The following DMD variants were observed in gnomAD, a reference collection of about 807,000 sequenced individuals.
DMD encodes the protein dystrophin.
In DMD, 63 loss-of-function variants were observed where a neutral mutation model predicts 330.1. The ratio of observed to expected loss-of-function variants is 0.19; its 90% CI spans 0.16 to 0.24. The LOEUF (loss-of-function observed/expected upper bound fraction) is 0.24, where lower values mean the gene tolerates loss of function less well. Among genes scored for constraint, DMD ranks in the 10% least tolerant of loss-of-function variants. The probability of loss-of-function intolerance (pLI) is 1.00; values close to 1 mark genes in which losing one functional copy is unlikely to be tolerated. For missense variants in DMD, 3,344 were observed against 2,684.1 expected, an observed-to-expected ratio of 1.25 and a Z score of -5.43; for synonymous variants, 1,223 against 959.8, an observed-to-expected ratio of 1.27 and a Z score of -5.07.
intron 1 of DMD, among the ~76,000 whole-genome samples, chrX:33,183,914 T>G (rs1054772974): frequency 4.5e-5 from 5 of 111,615 alleles, no homozygotes; most frequent in African/African-American, 1.6e-4. Context: ...TCATGGCCAT[T>G]GCTACCACTG....
rs1188875772 is a variant in DMD, at chrX:32,640,521, A to C, written c.1331+3611T>G. ...ATAATTGTTGATGGTTTATGGGATA[A>C]ATATTATTTCCTAGATGCAACTTGA... On this transcript the variant is annotated intron_variant, in intron 11 of 78. Coordinates refer to ENST00000357033, the MANE Select transcript of DMD (RefSeq NM_004006.3). Among the ~76,000 whole-genome samples, 3 of 110,690 alleles carry C rather than the reference A, an allele frequency of 2.7e-5. No individual in the cohort carries two copies. The East Asian group carries it at 8.4e-4, about 31-fold the overall frequency.
At chrX:31,206,952 A>G in intron 65 of DMD, among the ~76,000 whole-genome samples, 1 of 43,776 alleles carries the variant, frequency 2.3e-5, no homozygotes, top group African/African-American at 6.4e-5. Flanking sequence ...CAAAAGTTCT[A>G]CATAAATTAA....
rs2051475451 is a variant in DMD at position 31,269,792 on chromosome X, G to A, written c.9225-8776C>T. ...TTGAGGGTATCTTTAGAGAATAAGG[G>A]CATCTCTGACCTAAGGGACTGTGCA... On this transcript the variant is annotated intron_variant, in intron 62 of 78. Coordinates refer to ENST00000357033, the MANE Select transcript of DMD (RefSeq NM_004006.3). Among the ~76,000 whole-genome samples the A allele has an allele frequency of 2.7e-5, 3 of 111,828 alleles. No individual in the cohort carries two copies. In the South Asian group the frequency reaches 1.1e-3, roughly 42 times the overall value.
chrX:32,927,070 T>G (rs1742148507), intron 2 of DMD, among the ~76,000 whole-genome samples: 1 of 111,060 alleles, frequency 9.0e-6, no homozygotes, highest in African/African-American at 3.3e-5. Context: ...ATAAATAAAT[T>G]TATTGACTTT....
At chrX:33,191,715 T>G (rs1163582199) in intron 1 of DMD, among the ~76,000 whole-genome samples, 1 of 112,361 alleles carries the variant, frequency 8.9e-6, no homozygotes, top group Non-Finnish European at 1.9e-5. Context: ...TGAGCCACCA[T>G]GCCTGGCCTG....
intron 23 of DMD, among the ~76,000 whole-genome samples, chrX:32,465,664 C>A (rs1216932615): frequency 1.8e-4 from 18 of 101,494 alleles, no homozygotes; most frequent in African/African-American, 6.5e-4. Flanking sequence ...TGGCTCACTG[C>A]AGCCTCCACC....
intron 44 of DMD, among the ~76,000 whole-genome samples, chrX:32,200,702 C>T (rs1157803362): frequency 9.0e-6 from 1 of 110,939 alleles, no homozygotes; most frequent in Non-Finnish European, 1.9e-5. Context: ...ATAATAAAAC[C>T]ATAATTTTAA....
intron 63 of DMD, among the ~76,000 whole-genome samples, chrX:31,258,423 C>G (rs1053496598): frequency 1.8e-5 from 2 of 112,510 alleles, no homozygotes; most frequent in African/African-American, 6.5e-5. Flanking sequence ...TTGATTGTTA[C>G]AAAACTATTG....
chrX:31,230,492 C>A (rs770371725), intron 63 of DMD, among the ~76,000 whole-genome samples: 1 of 109,965 alleles, frequency 9.1e-6, no homozygotes, highest in South Asian at 4.0e-4. Context: ...ATTAAAAACA[C>A]AAAAAAATTA....
At chrX:31,146,474 T>G (rs1051731177) in intron 75 of DMD, 60 bp from the exon 76 acceptor site, 3 of 1,122,446 alleles carry the variant, frequency 2.7e-6, no homozygotes, top group Non-Finnish European at 1.2e-6. Context: ...ATGTATAAAT[T>G]TCAAAATATG....
At chrX:32,423,333 T>C (rs1428261857) in intron 29 of DMD, among the ~76,000 whole-genome samples, 3 of 108,028 alleles carry the variant, frequency 2.8e-5, no homozygotes, top group African/African-American at 6.7e-5. Context: ...TACCATTAAA[T>C]GGATATGTTA....
intron 67 of DMD, among the ~76,000 whole-genome samples, chrX:31,203,442 A>G (rs2043729752): frequency 9.0e-6 from 1 of 110,671 alleles, no homozygotes; most frequent in Admixed American, 9.6e-5. Context: ...GAGAACGGAC[A>G]AGAGTGTGTT....
Position 31,507,358 on chromosome X carries a change from A to G in DMD, c.8313T>C (p.Asp2771=). 8.3e-7 allele frequency: 1 copy of G among 1,211,662 alleles called. No individual in the cohort carries two copies. The highest frequency in any genetic ancestry group is 1.1e-6 in the Non-Finnish European group (1 of 895,305). Residue 2771 remains aspartate, a synonymous_variant, in exon 56 of 79, where the codon GAT becomes GAC. Coordinates refer to ENST00000357033, the MANE Select transcript of DMD (RefSeq NM_004006.3). ...KILRSLEGSD[D]AVLLQRRLDN... is the part of the protein sequence containing the mutation. The stretch of plus-strand genomic sequence containing the variant: ...CCAAACGTCTTTGTAACAGGACTGC[A>G]TCATCGGAACCTTCCAGGGATCTCA...
chrX:32,510,133 C>A (rs138399334), intron 18 of DMD, among the ~76,000 whole-genome samples: 1 of 112,025 alleles, frequency 8.9e-6, no homozygotes, highest in South Asian at 3.7e-4. Context: ...TCGCTGACAG[C>A]TGAATAAAAG....
chrX:32,244,639 G>T (rs371719146), intron 43 of DMD, among the ~76,000 whole-genome samples: 17 of 88,441 alleles, frequency 1.9e-4, no homozygotes, highest in African/African-American at 5.2e-4. Context: ...CCTGACTTTT[G>T]AATGATTGCC....
intron 55 of DMD, among the ~76,000 whole-genome samples, chrX:31,590,615 C>T (rs1213549308): frequency 9.0e-6 from 1 of 111,251 alleles, no homozygotes; most frequent in East Asian, 2.8e-4. Context: ...ACTTTCTTAT[C>T]ACAAAGTTCT....
chrX:32,778,488 C>G (rs769637154), intron 7 of DMD, among the ~76,000 whole-genome samples: 1 of 111,349 alleles, frequency 9.0e-6, no homozygotes, highest in South Asian at 3.8e-4. Context: ...AACATATTCC[C>G]AAAATCTTAA....
chrX:33,336,415 T>C (rs2054255897), intron 1 of DMD, among the ~76,000 whole-genome samples: 1 of 110,649 alleles, frequency 9.0e-6, no homozygotes, highest in Non-Finnish European at 1.9e-5. Context: ...CGATAGTGTC[T>C]TCCCCTGCTC....
chrX:32,716,002 G>A lies in DMD; in HGVS notation c.650-16709C>T, dbSNP rs749268284. 3.6e-5 allele frequency among the ~76,000 whole-genome samples: 4 copies of A among 111,357 alleles called. No homozygotes were observed. The Admixed American group carries it at 3.8e-4, about 11-fold the overall frequency. ...TAATTTTGAGATCATTTTACATAAT[G>A]AGAAAATCATATTATTTTCAAATAA... is the stretch of plus-strand genomic sequence containing the variant. On this transcript the variant is annotated intron_variant, in intron 7 of 78. Coordinates refer to ENST00000357033, the MANE Select transcript of DMD (RefSeq NM_004006.3).
Sources: allele counts gnomAD v4.1 joint callset (sites outside exome capture counted in the v4.1 genomes callset), GRCh38; gene constraint gnomAD v4.1.1; transcripts MANE v1.5; gene names NCBI Gene and HGNC (gene_info 2026-07-23, HGNC 2026-07-21).